The following NMNAT2 variants were observed in gnomAD, a reference collection of about 807,000 sequenced individuals.
NMNAT2 encodes the protein nicotinamide/nicotinic acid mononucleotide adenylyltransferase 2.
NMNAT2 carries 11 observed loss-of-function variants against 41.6 expected under a neutral mutation model. The observed-to-expected ratio is 0.26, with a 90% CI of 0.17 to 0.44. The LOEUF (loss-of-function observed/expected upper bound fraction) is 0.44. NMNAT2 is among the 20% of genes least tolerant of loss of function. NMNAT2 has a pLI of 1.00. For synonymous variants in NMNAT2, 148 were observed against 151.2 expected, an observed-to-expected ratio of 0.98 and a Z score of 0.16; for missense variants, 288 against 407.7, an observed-to-expected ratio of 0.71 and a Z score of 2.53.
At chr1:183,406,079 G>A (rs1648946898) in intron 1 of NMNAT2, among the ~76,000 whole-genome samples, 1 of 152,106 alleles carries the variant, frequency 6.6e-6, no homozygotes, top group Non-Finnish European at 1.5e-5. Context: ...GATTCATTTA[G>A]AAAAAGAGAG....
At chr1:183,277,698 T>C (rs567333263) in intron 8 of NMNAT2, among the ~76,000 whole-genome samples, 2 of 152,144 alleles carry the variant, frequency 1.3e-5, no homozygotes, top group East Asian at 3.9e-4. Flanking sequence ...CACCTATTAC[T>C]TGGGGGCAAA....
At chr1:183,280,919 G>C (rs780696733) in intron 7 of NMNAT2, among the ~76,000 whole-genome samples, 4 of 151,040 alleles carry the variant, frequency 2.6e-5, no homozygotes, top group Non-Finnish European at 5.9e-5. Flanking sequence ...CTGAGCAGCT[G>C]GGATTACAGA....
intron 5 of NMNAT2, among the ~76,000 whole-genome samples, chr1:183,286,250 G>GTTATTA (rs948725116): frequency 1.2e-4 from 18 of 151,228 alleles, no homozygotes; most frequent in Non-Finnish European, 2.1e-4. Context: ...TTTTGTTATT[G>GTTATTA]TTATTATTAT....
intron 7 of NMNAT2, chr1:183,283,635 G>A (rs1342616851): frequency 2.9e-6 from 1 of 346,072 alleles, no homozygotes; most frequent in Non-Finnish European, 5.6e-6. Context: ...GAATGAGGAA[G>A]GCCGGGGTGC....
intron 1 of NMNAT2, among the ~76,000 whole-genome samples, chr1:183,318,388 G>T (rs540595436): frequency 6.6e-6 from 1 of 152,196 alleles, no homozygotes; most frequent in African/African-American, 2.4e-5. Flanking sequence ...GAGGGACTGC[G>T]GAGGTGATGG....
At chr1:183,417,154 C>A (rs1184017295) in intron 1 of NMNAT2, among the ~76,000 whole-genome samples, 1 of 152,182 alleles carries the variant, frequency 6.6e-6, no homozygotes, top group Non-Finnish European at 1.5e-5. Context: ...TTGAGTCCTA[C>A]GAGCAGCTGC....
intron 1 of NMNAT2, among the ~76,000 whole-genome samples, chr1:183,400,856 G>A (rs1246087163): frequency 6.6e-6 from 1 of 152,172 alleles, no homozygotes; most frequent in Non-Finnish European, 1.5e-5. Context: ...AAACTGGCTA[G>A]CCATATGTAG....
At chr1:183,299,111 C>T (rs1661779935) in intron 1 of NMNAT2, among the ~76,000 whole-genome samples, 1 of 152,164 alleles carries the variant, frequency 6.6e-6, no homozygotes, top group Admixed American at 6.5e-5. Flanking sequence ...GTGGCTCATG[C>T]CTGTAATCCC....
chr1:183,329,027 A>C (rs985927891), intron 1 of NMNAT2, among the ~76,000 whole-genome samples: 3 of 152,168 alleles, frequency 2.0e-5, no homozygotes, highest in Non-Finnish European at 4.4e-5. Flanking sequence ...TAGAAATAGC[A>C]AACAATGTAT....
At chr1:183,413,762 A>T (rs1312977399) in intron 1 of NMNAT2, among the ~76,000 whole-genome samples, 1 of 150,718 alleles carries the variant, frequency 6.6e-6, no homozygotes, top group Non-Finnish European at 1.5e-5. Context: ...GCCCGCAACC[A>T]CGCCCAGCTA....
chr1:183,272,382 G>T (rs532422535), intron 8 of NMNAT2, among the ~76,000 whole-genome samples: 3 of 152,318 alleles, frequency 2.0e-5, no homozygotes, highest in Non-Finnish European at 4.4e-5. Context: ...TGGTCCAGAA[G>T]TCTGGATCTT....
At chr1:183,284,490 T>A (rs1661349385) in intron 6 of NMNAT2, among the ~76,000 whole-genome samples, 1 of 152,238 alleles carries the variant, frequency 6.6e-6, no homozygotes, top group African/African-American at 2.4e-5. Flanking sequence ...TGGTGGAATG[T>A]AGCAAGTGCC....
chr1:183,394,185 G>A (rs1331724147), intron 1 of NMNAT2, among the ~76,000 whole-genome samples: 1 of 152,172 alleles, frequency 6.6e-6, no homozygotes, highest in African/African-American at 2.4e-5. Flanking sequence ...CTACTTGCTG[G>A]CTGGTGATGC....
At chr1:183,331,607 C>T (rs1662586766) in intron 1 of NMNAT2, among the ~76,000 whole-genome samples, 3 of 152,174 alleles carry the variant, frequency 2.0e-5, no homozygotes, top group African/African-American at 4.8e-5. Context: ...TCCTGTTGGG[C>T]CAGTGACCTG....
rs199720433 is a variant in NMNAT2, at chr1:183,283,986, C to T, written c.574+9G>A. 767 of 1,613,822 alleles carry T rather than the reference C, an allele frequency of 4.8e-4. 1 individual carries two copies. Among genetic ancestry groups the T allele is most frequent in the Non-Finnish European group, 6.0e-4 (709 of 1,179,886 alleles). On this transcript the variant is annotated intron_variant, in intron 7 of 10. Coordinates refer to ENST00000287713, the MANE Select transcript of NMNAT2 (RefSeq NM_015039.4). ...TCCCCATTTTCCGCACTTTCGCAGT[C>T]CCACTCACCAATCTCTTCATACCGC...
intron 3 of NMNAT2, among the ~76,000 whole-genome samples, chr1:183,292,020 G>A (rs1661555160): frequency 6.6e-6 from 1 of 152,200 alleles, no homozygotes; most frequent in Admixed American, 6.5e-5. Context: ...CTCATTCTGA[G>A]GTCAGCATCC....
At chr1:183,326,729 G>T (rs1662472226) in intron 1 of NMNAT2, among the ~76,000 whole-genome samples, 1 of 152,200 alleles carries the variant, frequency 6.6e-6, no homozygotes, top group South Asian at 2.1e-4. Flanking sequence ...GCTGTGAGGA[G>T]AATGGATTGA....
At chr1:183,402,069 TA>T (rs145609653) in intron 1 of NMNAT2, among the ~76,000 whole-genome samples, 9,093 of 149,372 alleles carry the variant, frequency 0.061, 515 homozygotes, top group South Asian at 0.17. Flanking sequence ...TAAAGTATAA[TA>T]AAAAAAAAAT....
chr1:183,341,003 T>C (rs1662787782), intron 1 of NMNAT2, among the ~76,000 whole-genome samples: 1 of 152,224 alleles, frequency 6.6e-6, no homozygotes, highest in Non-Finnish European at 1.5e-5. Flanking sequence ...GCAACACCCG[T>C]CCTTGGTTTA....
Sources: allele counts gnomAD v4.1 joint callset (sites outside exome capture counted in the v4.1 genomes callset), GRCh38; gene constraint gnomAD v4.1.1; transcripts MANE v1.5; gene names NCBI Gene and HGNC (gene_info 2026-07-23, HGNC 2026-07-21).